The following DLG2 variants were observed in gnomAD, a reference collection of about 807,000 sequenced individuals.
The protein encoded by DLG2 is disks large homolog 2.
Under a neutral mutation model 132.5 loss-of-function variants are expected in DLG2, and 45 were observed. The ratio of observed to expected loss-of-function variants is 0.34; its 90% CI spans 0.27 to 0.44. The LOEUF (loss-of-function observed/expected upper bound fraction) is 0.44, where lower values mean the gene tolerates loss of function less well. Ranked by LOEUF, DLG2 falls within the 20% of genes least tolerant of loss-of-function variation. The pLI, the probability that DLG2 is intolerant of heterozygous loss-of-function variation, is 1.00. For missense variants in DLG2, 1,045 were observed against 1,196.9 expected (o/e 0.87, Z 1.87); for synonymous variants, 424 against 419.6 (o/e 1.01, Z -0.13).
chr11:85,393,822 T>A (rs1484707062), intron 3 of DLG2, among the ~76,000 whole-genome samples: 1 of 152,066 alleles, frequency 6.6e-6, no homozygotes, highest in African/African-American at 2.4e-5. Context: ...AAACTAAACA[T>A]CTTATGTTCT....
At chr11:85,174,872 T>A (rs532130170) in intron 4 of DLG2, among the ~76,000 whole-genome samples, 2 of 151,990 alleles carry the variant, frequency 1.3e-5, no homozygotes, top group African/African-American at 4.8e-5. Context: ...CTAGAAGAAA[T>A]TGATAAATTC....
In DLG2 at chr11:85,502,371, T is replaced by C. The variant is rs1157919286; in HGVS notation, c.40+96286A>G. ...CCACGACACGACACGTGTATACCTGTGTAACAAAACTGCACGTTCTGCACA... is the reference window on the plus strand; with the variant it reads ...CCACGACACGACACGTGTATACCTGCGTAACAAAACTGCACGTTCTGCACA... On this transcript the variant is annotated intron_variant, in intron 3 of 27. Coordinates refer to ENST00000376104, the MANE Select transcript of DLG2 (RefSeq NM_001142699.3). Among the ~76,000 whole-genome samples the C allele has an allele frequency of 3.3e-5, 5 of 151,132 alleles. No individual in the cohort carries two copies. In the East Asian group the frequency reaches 6.0e-4, roughly 18 times the overall value.
chr11:85,195,985 A>G (rs1213871288), intron 4 of DLG2, among the ~76,000 whole-genome samples: 1 of 152,230 alleles, frequency 6.6e-6, no homozygotes, highest in Non-Finnish European at 1.5e-5. Flanking sequence ...TAGATAAAAT[A>G]TTAACTTTTT....
At chr11:83,821,296 T>C (rs1351113336) in intron 17 of DLG2, among the ~76,000 whole-genome samples, 3 of 152,164 alleles carry the variant, frequency 2.0e-5, no homozygotes, top group Admixed American at 2.0e-4. Flanking sequence ...GCTCATCGAC[T>C]CTCCACTTAT....
At chr11:84,921,560 T>C (rs2092757632) in intron 6 of DLG2, among the ~76,000 whole-genome samples, 1 of 152,138 alleles carries the variant, frequency 6.6e-6, no homozygotes. Flanking sequence ...TAAAAAGAAA[T>C]TTCCCAAAGC....
At chr11:83,530,518 T>A (rs2095713428) in intron 21 of DLG2, among the ~76,000 whole-genome samples, 4 of 151,656 alleles carry the variant, frequency 2.6e-5, no homozygotes, top group African/African-American at 9.7e-5. Flanking sequence ...AGAAAGGATA[T>A]GAAGAAAAAG....
intron 7 of DLG2, among the ~76,000 whole-genome samples, chr11:84,325,521 T>G (rs1452447470): frequency 6.6e-6 from 1 of 152,214 alleles, no homozygotes; most frequent in East Asian, 1.9e-4. Flanking sequence ...ATTATTTTTA[T>G]ATTTCATTCT....
At position 85,198,380 on chromosome 11, in the gene DLG2, T is replaced by C. The variant is rs118189489; in HGVS notation, c.187-43729A>G. On this transcript the variant is annotated intron_variant, in intron 4 of 27. Coordinates refer to ENST00000376104, the MANE Select transcript of DLG2 (RefSeq NM_001142699.3). Reference sequence around the variant, plus strand: ...ATGAAAATTCTCCCCACAAAAAGTATACATTTGGCACATCATTGAAGGATC... The same window carrying C: ...ATGAAAATTCTCCCCACAAAAAGTACACATTTGGCACATCATTGAAGGATC... Among the ~76,000 whole-genome samples, 9 of 152,270 alleles carry C rather than the reference T, an allele frequency of 5.9e-5. No individual in the cohort carries two copies. In the South Asian group the frequency reaches 1.9e-3, roughly 32 times the overall value.
At position 85,280,461 on chromosome 11, in the gene DLG2, G is replaced by T. The variant is rs117079371; in HGVS notation, c.186+4759C>A. Among the ~76,000 whole-genome samples, 51 of 152,182 alleles carry T rather than the reference G, an allele frequency of 3.4e-4. No individual in the cohort carries two copies. In the East Asian group the frequency reaches 8.9e-3, roughly 26 times the overall value. On this transcript the variant is annotated intron_variant, in intron 4 of 27. Coordinates refer to ENST00000376104, the MANE Select transcript of DLG2 (RefSeq NM_001142699.3). ...GAAGACTTTCAGATTACTCTTGATT[G>T]TTCTGCTATACCAAGCAGCCTCCTT...
intron 7 of DLG2, among the ~76,000 whole-genome samples, chr11:84,287,555 C>G (rs2097921859): frequency 6.6e-6 from 1 of 152,062 alleles, no homozygotes; most frequent in African/African-American, 2.4e-5. Context: ...ATCTGTTCTC[C>G]CTACTCCCTG....
intron 3 of DLG2, among the ~76,000 whole-genome samples, chr11:85,320,794 C>T (rs1236041371): frequency 1.3e-5 from 2 of 151,596 alleles, no homozygotes; most frequent in African/African-American, 2.4e-5. Context: ...ACTATTCATG[C>T]TCAAGAATCA....
At chr11:85,615,550 A>T (rs2081278038) in intron 2 of DLG2, among the ~76,000 whole-genome samples, 1 of 152,198 alleles carries the variant, frequency 6.6e-6, no homozygotes, top group Admixed American at 6.5e-5. Context: ...ATCTTCAGCT[A>T]AATACTGATT....
chr11:84,601,654 A>T (rs1372065649), intron 6 of DLG2, among the ~76,000 whole-genome samples: 1 of 152,116 alleles, frequency 6.6e-6, no homozygotes, highest in Non-Finnish European at 1.5e-5. Context: ...GTGACAAAAT[A>T]ATTACACGTG....
At chr11:84,429,190 A>T (rs192609779) in intron 7 of DLG2, among the ~76,000 whole-genome samples, 53 of 152,342 alleles carry the variant, frequency 3.5e-4, no homozygotes, top group Non-Finnish European at 7.1e-4. Context: ...GTCATTTGGC[A>T]TAAATGTTCT....
intron 3 of DLG2, among the ~76,000 whole-genome samples, chr11:85,522,754 T>C (rs1194975051): frequency 6.6e-6 from 1 of 152,180 alleles, no homozygotes; most frequent in Non-Finnish European, 1.5e-5. Context: ...TCTGTAGCCC[T>C]TTGTTTTGGC....
At chr11:85,505,328 G>T (rs916277043) in intron 3 of DLG2, among the ~76,000 whole-genome samples, 3 of 152,104 alleles carry the variant, frequency 2.0e-5, no homozygotes, top group Non-Finnish European at 4.4e-5. Flanking sequence ...TCCAGTTTTT[G>T]CCCATTTAGT....
intron 6 of DLG2, among the ~76,000 whole-genome samples, chr11:85,073,024 G>T (rs539965525): frequency 9.2e-5 from 14 of 151,934 alleles, no homozygotes; most frequent in African/African-American, 3.4e-4. Context: ...GTATTTATTA[G>T]ATACTAGTAT....
chr11:83,592,335 A>G (rs868441668), intron 19 of DLG2, among the ~76,000 whole-genome samples: 5,258 of 145,470 alleles, frequency 0.036, 363 homozygotes, highest in African/African-American at 0.13. Context: ...GAGAAATAAC[A>G]CCGCATATCT....
At chr11:84,054,290 G>A (rs939130496) in intron 11 of DLG2, among the ~76,000 whole-genome samples, 1 of 152,018 alleles carries the variant, frequency 6.6e-6, no homozygotes, top group African/African-American at 2.4e-5. Context: ...ATGATTTAAT[G>A]TGTTCTTGCG....
Sources: allele counts gnomAD v4.1 joint callset (sites outside exome capture counted in the v4.1 genomes callset), GRCh38; gene constraint gnomAD v4.1.1; transcripts MANE v1.5; gene names NCBI Gene and HGNC (gene_info 2026-07-23, HGNC 2026-07-21).